Variants in ZNF658 observed in about 807,000 individuals in gnomAD.
ZNF658 encodes the protein zinc finger protein 658.
Under a neutral mutation model 78.0 loss-of-function variants are expected in ZNF658, and 46 were observed. The ratio of observed to expected loss-of-function variants is 0.59; its 90% CI spans 0.47 to 0.75. The LOEUF is 0.75. ZNF658 is among the 30% of genes least tolerant of loss of function. The probability of loss-of-function intolerance (pLI) is 0.00; values close to 1 mark genes in which losing one functional copy is unlikely to be tolerated. For missense variants in ZNF658, 785 were observed against 1,189.3 expected (o/e 0.66, Z 5.00); for synonymous variants, 279 against 408.4 (o/e 0.68, Z 3.82).
intron 4 of ZNF658, among the ~76,000 whole-genome samples, chr9:66,914,913 G>A (rs1344613506): frequency 1.3e-5 from 2 of 150,552 alleles, no homozygotes; most frequent in Admixed American, 6.6e-5. Flanking sequence ...GATGAGGCAG[G>A]CCTTATAAAA....
chr9:66,905,661 A>C (rs1041323725), intron 2 of ZNF658, among the ~76,000 whole-genome samples: 6 of 134,106 alleles, frequency 4.5e-5, no homozygotes, highest in African/African-American at 1.8e-4. Flanking sequence ...GCTGTTGAAC[A>C]GGTGTTTTTG....
intron 4 of ZNF658, among the ~76,000 whole-genome samples, chr9:66,916,436 A>C (rs1280593957): frequency 6.8e-6 from 1 of 148,054 alleles, no homozygotes; most frequent in Admixed American, 6.8e-5. Context: ...TATTTCTTCT[A>C]TATTTCTGAA....
chr9:66,905,035 T>C lies in ZNF658; in HGVS notation c.15+1459T>C, dbSNP rs2117950532. 2.5e-5 allele frequency among the ~76,000 whole-genome samples: 2 copies of C among 78,656 alleles called. 1 individual carries two copies. Among genetic ancestry groups the C allele is most frequent in the South Asian group, 7.0e-4 (2 of 2,872 alleles). The allele number at this position is 78,656 out of a possible 152,430, so 51.6% of individuals were successfully genotyped here. A position where few individuals can be genotyped will look rare whatever the true frequency, so the allele number is the denominator to read the frequency against. On this transcript the variant is annotated intron_variant, in intron 2 of 4. Transcript: ENST00000621410. ...TGATTCTCATGTCCAGGTGTGGATT[T>C]ATCTTTTCTTTTTTCTTTTCTCTTT...
intron 6 of ZNF658, chr9:66,931,985 C>A (rs1466158962): frequency 6.7e-6 from 1 of 148,260 alleles, no homozygotes; most frequent in Non-Finnish European, 1.5e-5. Flanking sequence ...ATGGTCTCAC[C>A]TGTCCCCGAC....
intron 4 of ZNF658, among the ~76,000 whole-genome samples, chr9:66,909,854 T>TTAAA (rs1564171137): frequency 6.6e-6 from 1 of 152,202 alleles, no homozygotes; most frequent in East Asian, 1.9e-4. Flanking sequence ...GCTGGGTAGT[T>TTAAA]TAAACAACAG....
In ZNF658 at chr9:66,909,085, C is replaced by A. The variant is rs560795118; in HGVS notation, c.238+351C>A. On this transcript the variant is annotated intron_variant, in intron 4 of 4. Coordinates refer to ENST00000621410, the MANE Select transcript of ZNF658 (RefSeq NM_033160.7). ...GATGTGCATAGGTTATATGCAAATA[C>A]TATGCCATTTTGTATCAAGGACTTG... Among the ~76,000 whole-genome samples, 79 of 151,884 alleles carry A rather than the reference C, an allele frequency of 5.2e-4. 1 individual carries two copies. The highest frequency in any genetic ancestry group is 5.1e-3 in the Admixed American group (78 of 15,254).
chr9:66,923,239 A>G (rs1822553100), downstream of ZNF658, among the ~76,000 whole-genome samples: 3 of 151,670 alleles, frequency 2.0e-5, no homozygotes, highest in Non-Finnish European at 4.4e-5. Context: ...AAAGCCAGGA[A>G]GCATACAGCA....
chr9:66,923,719 T>TA (rs993489045), downstream of ZNF658, among the ~76,000 whole-genome samples: 2 of 151,288 alleles, frequency 1.3e-5, no homozygotes, highest in Non-Finnish European at 2.9e-5. Context: ...AAATGTTTTT[T>TA]ATCAGACTTA....
At chr9:66,906,801 TCTTA>T (rs927143100) in intron 2 of ZNF658, among the ~76,000 whole-genome samples, 6 of 148,254 alleles carry the variant, frequency 4.0e-5, no homozygotes, top group Admixed American at 2.0e-4. Context: ...AGATCATTGT[TCTTA>T]CTGTGATGCA....
Position 66,919,504 on chromosome 9 carries a change from G to C in ZNF658, c.1938G>C (p.Lys646Asn), listed in dbSNP as rs72624049. 6.3e-7 allele frequency: 1 copy of C among 1,589,960 alleles called. No homozygotes were observed. The highest frequency in any genetic ancestry group is 8.5e-7 in the Non-Finnish European group (1 of 1,172,314). ...CTTTTGCCCATATTTCTGTTCTCAA[G>C]GCACATCAAAGAATTCACACAGGGG... ...GRSFAHISVL[K>N]AHQRIHTGEK... is the part of the protein sequence containing the mutation. The change falls in exon 5 of 5, where the codon AAG becomes AAC. Residue 646 changes from lysine (K) to asparagine (N), a missense_variant. Physicochemically the swap from Lys to Asn is moderately conservative, Grantham distance 94. Transcript: ENST00000621410.
At chr9:66,932,005 T>C (rs1460067090) in intron 6 of ZNF658, 3 of 141,938 alleles carry the variant, frequency 2.1e-5, no homozygotes, top group Non-Finnish European at 4.6e-5. Flanking sequence ...CTTACTTTTC[T>C]CTCTCTCCAT....
At chr9:66,909,992 T>TG (rs1822175592) in intron 4 of ZNF658, among the ~76,000 whole-genome samples, 1 of 152,162 alleles carries the variant, frequency 6.6e-6, no homozygotes. Context: ...GCCTTTCCTC[T>TG]GTGCACATGC....
intron 6 of ZNF658, among the ~76,000 whole-genome samples, chr9:66,927,322 T>A (rs1822595189): frequency 6.6e-6 from 1 of 150,934 alleles, no homozygotes; most frequent in Non-Finnish European, 1.5e-5. Context: ...TCCTCACACC[T>A]GTCAGGATGA....
chr9:66,910,333 T>C (rs1822185423), intron 4 of ZNF658, among the ~76,000 whole-genome samples: 2 of 151,994 alleles, frequency 1.3e-5, no homozygotes, highest in African/African-American at 2.4e-5. Context: ...AATCATCTTA[T>C]TAGAAGTGAA....
chr9:66,907,897 C>CA (rs1453996614), intron 2 of ZNF658, among the ~76,000 whole-genome samples: 2 of 151,370 alleles, frequency 1.3e-5, no homozygotes, highest in Non-Finnish European at 2.9e-5. Flanking sequence ...CCTTAGCCCC[C>CA]AGAATTTACA....
chr9:66,901,948 GA>G (rs1312515917), intron 1 of ZNF658, among the ~76,000 whole-genome samples: 3 of 151,704 alleles, frequency 2.0e-5, no homozygotes, highest in Non-Finnish European at 1.5e-5. Flanking sequence ...TCTCAAAAAA[GA>G]AAAAAAAGTT....
intron 4 of ZNF658, 38 bp from the exon 5 acceptor site, chr9:66,917,767 T>A (rs1490370382): frequency 1.4e-6 from 2 of 1,405,102 alleles, no homozygotes; most frequent in African/African-American, 1.7e-5. Flanking sequence ...ATGAGAAATG[T>A]AAGATTTATA....
Position 66,908,327 on chromosome 9 carries a change from T to G in ZNF658, c.105T>G (p.Asp35Glu). Residue 35 changes from aspartate (D) to glutamate (E), a missense_variant, in exon 3 of 5, where the codon GAT (aspartate) becomes GAG (glutamate). By Grantham distance (45) the Asp-to-Glu change is conservative. Around this residue, in one of 12 missense-constraint regions of ZNF658, gnomAD observed 79 missense variants for 96.5 expected, o/e 0.82. Transcript: ENST00000621410. Reference sequence around the variant, plus strand: ...CTGTCGAGAGGACGCTGTACAGAGATGTGATGCTGGAGAACTACAGCCACC... The same window carrying G: ...CTGTCGAGAGGACGCTGTACAGAGAGGTGATGCTGGAGAACTACAGCCACC... Reference protein sequence around the residue: ...LGPVERTLYRDVMLENYSHLI... With the variant: ...LGPVERTLYREVMLENYSHLI... The G allele has an allele frequency of 1.9e-6, 3 of 1,614,080 alleles. No individual in the cohort carries two copies. The highest frequency in any genetic ancestry group is 2.5e-6 in the Non-Finnish European group (3 of 1,179,992).
chr9:66,918,523 T>G lies in ZNF658; in HGVS notation c.957T>G (p.Ile319Met). The G allele has an allele frequency of 6.2e-7, 1 of 1,607,080 alleles. No individual in the cohort carries two copies. Among genetic ancestry groups the G allele is most frequent in the Non-Finnish European group, 8.5e-7 (1 of 1,174,602 alleles). The change falls in exon 5 of 5, where the codon ATT (isoleucine) becomes ATG (methionine). Residue 319 changes from isoleucine to methionine, a missense_variant. By Grantham distance (10) the Ile-to-Met change is conservative. Transcript: ENST00000621410. The part of the protein sequence containing the change: ...KSPLTQSQRT[I>M]TGWSAFESNK... ...CCCTCACTCAATCTCAGAGAACTAT[T>G]ACAGGATGGAGTGCTTTTGAAAGCA...
Sources: gnomAD v4.1 joint callset for allele counts (sites outside exome capture counted in the v4.1 genomes callset) on GRCh38, gnomAD v4.1.1 for gene constraint, gnomAD v4.1.1 regional missense constraint, MANE v1.5 for transcripts, NCBI Gene and HGNC (gene_info 2026-07-23, HGNC 2026-07-21) for gene names.